ATRNL1: variants seen among roughly 807,000 people sequenced by gnomAD.
ATRNL1 encodes attractin-like protein 1.
A neutral mutation model predicts 182.7 loss-of-function variants in ATRNL1; 95 were observed. That is an observed-to-expected ratio of 0.52 (90% CI 0.44 to 0.62). The LOEUF is 0.62. Ranked by LOEUF, ATRNL1 falls within the 20% of genes least tolerant of loss-of-function variation. The pLI, the probability that ATRNL1 is intolerant of heterozygous loss-of-function variation, is 0.00. For synonymous variants in ATRNL1, 576 were observed against 568.3 expected (o/e 1.01, Z -0.19); for missense variants, 1,471 against 1,679.5 (o/e 0.88, Z 2.17).
At chr10:115,151,854 A>G (rs1554880718) in intron 5 of ATRNL1, among the ~76,000 whole-genome samples, 1 of 152,172 alleles carries the variant, frequency 6.6e-6, no homozygotes, top group African/African-American at 2.4e-5. Context: ...TAGGTCCAAC[A>G]TTTAAGTCTT....
chr10:115,138,337 G>A (rs184999239), intron 5 of ATRNL1, among the ~76,000 whole-genome samples: 36 of 152,334 alleles, frequency 2.4e-4, no homozygotes, highest in African/African-American at 7.7e-4. Flanking sequence ...GCCCCAGTAG[G>A]GACTCTGTGT....
chr10:115,125,125 T>C (rs910362525), intron 3 of ATRNL1, among the ~76,000 whole-genome samples: 4 of 152,166 alleles, frequency 2.6e-5, no homozygotes. Context: ...TTGTAGGAAC[T>C]GTGAAGGATA....
At chr10:115,130,110 G>T (rs1592140641) in intron 5 of ATRNL1, among the ~76,000 whole-genome samples, 2 of 152,122 alleles carry the variant, frequency 1.3e-5, no homozygotes, top group South Asian at 4.2e-4. Flanking sequence ...AGACTACAGT[G>T]AAGAATGTTG....
At chr10:115,471,516 G>T (rs1220380465) in intron 24 of ATRNL1, among the ~76,000 whole-genome samples, 2 of 150,880 alleles carry the variant, frequency 1.3e-5, no homozygotes, top group Non-Finnish European at 3.0e-5. Context: ...GTTATCTTTT[G>T]TATTTTTGAT....
intron 20 of ATRNL1, among the ~76,000 whole-genome samples, chr10:115,422,950 T>A (rs1160850967): frequency 9.9e-5 from 15 of 152,216 alleles, no homozygotes; most frequent in Non-Finnish European, 2.2e-4. Context: ...TGAAATTATC[T>A]GTACCCCAAA....
intron 19 of ATRNL1, among the ~76,000 whole-genome samples, chr10:115,363,158 T>A (rs1856838091): frequency 6.7e-6 from 1 of 148,516 alleles, no homozygotes; most frequent in Non-Finnish European, 1.5e-5. Flanking sequence ...GTGTTCCTAT[T>A]TCTCCACATC....
chr10:115,619,793 G>T (rs376035204), intron 26 of ATRNL1, among the ~76,000 whole-genome samples: 1 of 151,920 alleles, frequency 6.6e-6, no homozygotes, highest in African/African-American at 2.4e-5. Flanking sequence ...TTTACCTAAC[G>T]TATTTATTTT....
At chr10:115,240,376 C>T (rs536649800) in intron 9 of ATRNL1, among the ~76,000 whole-genome samples, 43 of 151,876 alleles carry the variant, frequency 2.8e-4, no homozygotes, top group African/African-American at 9.6e-4. Context: ...CTCAGCCTCC[C>T]GAGTAGCTGG....
chr10:115,812,575 C>T (rs1950071619), intron 27 of ATRNL1, among the ~76,000 whole-genome samples: 1 of 152,134 alleles, frequency 6.6e-6, no homozygotes, highest in Non-Finnish European at 1.5e-5. Context: ...CTCCTGGGTT[C>T]AAGCAATTCT....
chr10:115,108,828 C>T (rs1392884889), intron 1 of ATRNL1, among the ~76,000 whole-genome samples: 1 of 152,178 alleles, frequency 6.6e-6, no homozygotes, highest in Non-Finnish European at 1.5e-5. Flanking sequence ...TGTTCTCTGA[C>T]TAAGTAATTC....
At chr10:115,678,236 C>T (rs1945930251) in intron 26 of ATRNL1, among the ~76,000 whole-genome samples, 1 of 151,984 alleles carries the variant, frequency 6.6e-6, no homozygotes, top group Non-Finnish European at 1.5e-5. Flanking sequence ...GCACATCAAG[C>T]TAAAACATTA....
chr10:115,581,182 C>T (rs1431990417), intron 26 of ATRNL1, among the ~76,000 whole-genome samples: 3 of 152,094 alleles, frequency 2.0e-5, no homozygotes, highest in South Asian at 2.1e-4. Context: ...AGAAATGTAC[C>T]TCACTAATCA....
intron 8 of ATRNL1, among the ~76,000 whole-genome samples, chr10:115,183,119 TTTC>T (rs1847811045): frequency 6.6e-6 from 1 of 151,414 alleles, no homozygotes; most frequent in Non-Finnish European, 1.5e-5. Context: ...AAATAAAATC[TTTC>T]TATTGGGTGA....
intron 28 of ATRNL1, among the ~76,000 whole-genome samples, chr10:115,939,384 C>T (rs556715410): frequency 1.3e-5 from 2 of 152,270 alleles, no homozygotes; most frequent in African/African-American, 4.8e-5. Context: ...TGGTATGTTC[C>T]TTCCTATGCG....
At chr10:115,247,734 C>A (rs1391799124) in intron 10 of ATRNL1, among the ~76,000 whole-genome samples, 1 of 152,106 alleles carries the variant, frequency 6.6e-6, no homozygotes, top group Non-Finnish European at 1.5e-5. Context: ...AGGTTTATTG[C>A]AGTACTATTC....
intron 24 of ATRNL1, among the ~76,000 whole-genome samples, chr10:115,508,829 A>G (rs1239924423): frequency 6.6e-6 from 1 of 152,064 alleles, no homozygotes; most frequent in Admixed American, 6.6e-5. Flanking sequence ...CTGATATAGA[A>G]GATACATGTC....
At chr10:115,200,897 C>T (rs1483950066) in intron 8 of ATRNL1, among the ~76,000 whole-genome samples, 7 of 150,360 alleles carry the variant, frequency 4.7e-5, no homozygotes, top group Non-Finnish European at 7.4e-5. Context: ...CTGTTGTTTT[C>T]TGACTTTTTA....
intron 8 of ATRNL1, among the ~76,000 whole-genome samples, chr10:115,192,845 C>CT (rs1191379283): frequency 2.0e-5 from 3 of 151,554 alleles, no homozygotes; most frequent in East Asian, 3.9e-4. Flanking sequence ...AATGGGATTA[C>CT]TTTTTTTTGG....
intron 15 of ATRNL1, among the ~76,000 whole-genome samples, chr10:115,286,724 T>C (rs979358724): frequency 1.3e-5 from 2 of 151,926 alleles, no homozygotes; most frequent in African/African-American, 4.8e-5. Context: ...GCTGAAAACT[T>C]TTCAGAGCAA....
Sources: allele counts gnomAD v4.1 joint callset (sites outside exome capture counted in the v4.1 genomes callset), GRCh38; gene constraint gnomAD v4.1.1; transcripts MANE v1.5; gene names NCBI Gene and HGNC (gene_info 2026-07-23, HGNC 2026-07-21).